Variants in TMCC2 observed in about 807,000 individuals in gnomAD.
TMCC2 encodes the protein transmembrane and coiled-coil domain family 2.
A neutral mutation model predicts 49.4 loss-of-function variants in TMCC2; 16 were observed. The ratio of observed to expected loss-of-function variants is 0.32; its 90% confidence interval spans 0.22 to 0.49. The LOEUF (loss-of-function observed/expected upper bound fraction) is 0.49. TMCC2 is among the 20% of genes least tolerant of loss of function. The probability of loss-of-function intolerance (pLI) is 0.99; values close to 1 mark genes in which losing one functional copy is unlikely to be tolerated. For synonymous variants in TMCC2, 397 were observed against 434.1 expected (o/e 0.91, Z 1.06); for missense variants, 762 against 989.8 (o/e 0.77, Z 3.09).
intron 2 of TMCC2, chr1:205,256,271 G>T: frequency 6.5e-7 from 1 of 1,542,334 alleles, no homozygotes; most frequent in East Asian, 2.4e-5. Flanking sequence ...GAGAGATCCA[G>T]CAGGCCCCAG....
At chr1:205,244,800 G>A (rs1234603277) in intron 2 of TMCC2, among the ~76,000 whole-genome samples, 1 of 152,098 alleles carries the variant, frequency 6.6e-6, no homozygotes, top group Non-Finnish European at 1.5e-5. Context: ...GAAGGAGGTG[G>A]GGATAGGAGA....
chr1:205,245,285 G>C (rs1299220544), intron 2 of TMCC2, among the ~76,000 whole-genome samples: 1 of 152,226 alleles, frequency 6.6e-6, no homozygotes, highest in East Asian at 1.9e-4. Flanking sequence ...GCTGCAGTAA[G>C]AGCCTGCAGG....
chr1:205,254,810 C>A (rs1036890537), intron 2 of TMCC2, among the ~76,000 whole-genome samples: 1 of 152,168 alleles, frequency 6.6e-6, no homozygotes, highest in Non-Finnish European at 1.5e-5. Flanking sequence ...AGAGACCTAC[C>A]ATGCAGAGTG....
chr1:205,271,727 C>T, intron 4 of TMCC2, 86 bp from the exon 5 acceptor site: 1 of 1,505,066 alleles, frequency 6.6e-7, no homozygotes, highest in Non-Finnish European at 8.9e-7. Flanking sequence ...TCGTTATAGG[C>T]ACCTTCTCAG....
chr1:205,255,831 C>G (rs1020670260), intron 2 of TMCC2, among the ~76,000 whole-genome samples: 2 of 152,082 alleles, frequency 1.3e-5, no homozygotes, highest in African/African-American at 4.8e-5. Flanking sequence ...GTGCTTGGTG[C>G]GAAAATATAA....
intron 1 of TMCC2, among the ~76,000 whole-genome samples, chr1:205,232,256 A>G (rs751722995): frequency 6.6e-6 from 1 of 152,218 alleles, no homozygotes; most frequent in Non-Finnish European, 1.5e-5. Flanking sequence ...ACATTGCCTC[A>G]CAGGAGGCTC....
In TMCC2 at chr1:205,271,124, G is replaced by A. The variant is rs780744678; in HGVS notation, c.1687G>A (p.Glu563Lys). 26 of 1,612,622 alleles carry A rather than the reference G, an allele frequency of 1.6e-5. No individual in the cohort carries two copies. The highest frequency in any genetic ancestry group is 5.0e-5 in the Admixed American group (3 of 60,020). ...CACTCTCTCTCCCTCCGCCAGGTACGAGCGGCTGGAGGAGCAGCTCAACGA... is the reference window on the plus strand; with the variant it reads ...CACTCTCTCTCCCTCCGCCAGGTACAAGCGGCTGGAGGAGCAGCTCAACGA... ...QCLQEERYRY[E>K]RLEEQLNDLT... The change falls in exon 4 of 5, where the codon GAG (glutamate) becomes AAG (lysine). Residue 563 changes from glutamate to lysine, a missense_variant. By Grantham distance (56) the Glu-to-Lys change is moderately conservative (BLOSUM62 1). Coordinates refer to ENST00000358024, the MANE Select transcript of TMCC2 (RefSeq NM_014858.4).
chr1:205,241,760 A>G lies in TMCC2; in HGVS notation c.463A>G (p.Ile155Val). Residue 155 changes from isoleucine to valine, a missense_variant, in exon 2 of 5, where the codon ATC (isoleucine) becomes GTC (valine). By Grantham distance (29) the Ile-to-Val change is conservative (BLOSUM62 3). This residue lies in a region of TMCC2 where 322 missense variants were observed against 353.1 expected (regional missense o/e 0.91). Coordinates refer to ENST00000358024, the MANE Select transcript of TMCC2 (RefSeq NM_014858.4). This position sits in a 1 kb window ranked among gnomAD's most constrained non-coding sequence, Gnocchi z 7.3. Reference sequence around the variant, plus strand: ...CGCCTTCAACCGCGTGCTGCAGCAGATCCGCTCCCGGCCCTCCATCAAGCG... The same window carrying G: ...CGCCTTCAACCGCGTGCTGCAGCAGGTCCGCTCCCGGCCCTCCATCAAGCG... ...PTAFNRVLQQ[I>V]RSRPSIKRGA... 1 of 1,612,066 alleles carries G rather than the reference A, an allele frequency of 6.2e-7. No homozygotes were observed. The highest frequency in any genetic ancestry group is 8.5e-7 in the Non-Finnish European group (1 of 1,179,780).
At chr1:205,239,314 T>C (rs1268942297) in intron 1 of TMCC2, among the ~76,000 whole-genome samples, 1 of 152,126 alleles carries the variant, frequency 6.6e-6, no homozygotes, top group African/African-American at 2.4e-5. Flanking sequence ...AGCTTGGGCC[T>C]GGGGAAGGGG....
At chr1:205,253,384 C>T (rs1660743100) in intron 2 of TMCC2, among the ~76,000 whole-genome samples, 1 of 152,166 alleles carries the variant, frequency 6.6e-6, no homozygotes. Flanking sequence ...GTGCCCAGGA[C>T]CTGGGCTTCC....
intron 2 of TMCC2, among the ~76,000 whole-genome samples, chr1:205,254,425 A>G (rs1274400645): frequency 6.6e-6 from 1 of 152,116 alleles, no homozygotes; most frequent in East Asian, 1.9e-4. Context: ...GCTTTGGGCT[A>G]TCTGTTCCCC....
In TMCC2 at chr1:205,264,587, C is replaced by T. The variant is rs1352285922; in HGVS notation, c.748-4363C>T. Among the ~76,000 whole-genome samples, 3 of 151,992 alleles carry T rather than the reference C, an allele frequency of 2.0e-5. No homozygotes were observed. The highest frequency in any genetic ancestry group is 7.3e-5 in the African/African-American group (3 of 41,370). Reference sequence around the variant, plus strand: ...GCAAGCTCCGCCTCCCAGGTTCGCGCCATTCTCCCGCCTCAGCCTCCCGAG... The same window carrying T: ...GCAAGCTCCGCCTCCCAGGTTCGCGTCATTCTCCCGCCTCAGCCTCCCGAG... On this transcript the variant is annotated intron_variant, in intron 2 of 4. Coordinates refer to ENST00000358024, the MANE Select transcript of TMCC2 (RefSeq NM_014858.4). The surrounding 1 kb of genome is among the most constrained non-coding windows in gnomAD (Gnocchi z 4.2).
chr1:205,266,240 CAA>C (rs35034505), intron 2 of TMCC2, among the ~76,000 whole-genome samples: 13 of 49,272 alleles, frequency 2.6e-4, no homozygotes, highest in Admixed American at 8.6e-4. Context: ...GACTCTGTCT[CAA>C]AAAAAAAAAA....
chr1:205,232,901 C>T (rs535988898), intron 1 of TMCC2, among the ~76,000 whole-genome samples: 202 of 131,818 alleles, frequency 1.5e-3, no homozygotes, highest in Non-Finnish European at 2.6e-3. Context: ...TGCCATTGCA[C>T]TCCAGCCTGG....
intron 2 of TMCC2, among the ~76,000 whole-genome samples, chr1:205,258,236 C>T (rs766812646): frequency 9.2e-5 from 14 of 152,038 alleles, no homozygotes; most frequent in African/African-American, 1.4e-4. Context: ...CCTTGTCTCT[C>T]GGTAGTTTGC....
chr1:205,267,964 C>T (rs1432255585), intron 2 of TMCC2: 2 of 985,214 alleles, frequency 2.0e-6, no homozygotes, highest in Non-Finnish European at 1.2e-6. Context: ...GGGGGTGGGG[C>T]ATGCTCCTCT....
At chr1:205,244,055 A>C (rs921383477) in intron 2 of TMCC2, among the ~76,000 whole-genome samples, 23 of 152,198 alleles carry the variant, frequency 1.5e-4, no homozygotes, top group African/African-American at 5.3e-4. Context: ...CTGGGTTTGG[A>C]AATGTGCACA....
chr1:205,265,967 C>T lies in TMCC2; in HGVS notation c.748-2983C>T, dbSNP rs138653803. 4.7e-4 allele frequency among the ~76,000 whole-genome samples: 71 copies of T among 151,188 alleles called. 1 individual carries two copies. The East Asian group carries it at 0.011, about 23-fold the overall frequency. On this transcript the variant is annotated intron_variant, in intron 2 of 4. Coordinates refer to ENST00000358024, the MANE Select transcript of TMCC2 (RefSeq NM_014858.4). ...TAAGAGAGACAGGTTCTGGGCTGGG[C>T]GTGGTGGCTCAAGCCTGTAATCCCA...
chr1:205,258,935 G>T (rs951876120), intron 2 of TMCC2, among the ~76,000 whole-genome samples: 1 of 152,172 alleles, frequency 6.6e-6, no homozygotes, highest in Admixed American at 6.5e-5. Context: ...TCAGAGTCAC[G>T]GGGCAGCAGT....
Sources: allele counts gnomAD v4.1 joint callset (sites outside exome capture counted in the v4.1 genomes callset), GRCh38; gene constraint gnomAD v4.1.1; regional missense constraint gnomAD v4.1.1; non-coding constraint Gnocchi (gnomAD v3.1); transcripts MANE v1.5; gene names NCBI Gene and HGNC (gene_info 2026-07-23, HGNC 2026-07-21).